Variants in SIK3 observed in about 807,000 individuals in gnomAD.
The protein encoded by SIK3 is SIK family kinase 3.
In SIK3, 28 loss-of-function variants were observed where a neutral mutation model predicts 144.2. That is an observed-to-expected ratio of 0.19 (90% confidence interval 0.14 to 0.27). The LOEUF (loss-of-function observed/expected upper bound fraction) is 0.27. SIK3 is among the 10% of genes least tolerant of loss of function. The pLI is 1.00. For missense variants in SIK3, 1,319 were observed against 1,776.0 expected, an observed-to-expected ratio of 0.74 and a Z score of 4.62; for synonymous variants, 686 against 676.3, an observed-to-expected ratio of 1.01 and a Z score of -0.22.
intron 1 of SIK3, among the ~76,000 whole-genome samples, chr11:116,961,746 T>C (rs1949355457): frequency 6.6e-6 from 1 of 152,178 alleles, no homozygotes; most frequent in African/African-American, 2.4e-5. Context: ...ATTTTGTAAA[T>C]TGACATTCTA....
intron 3 of SIK3, among the ~76,000 whole-genome samples, chr11:116,931,358 G>A (rs1340371296): frequency 2.0e-5 from 3 of 152,216 alleles, no homozygotes; most frequent in Non-Finnish European, 4.4e-5. Context: ...AAAATACACA[G>A]AAGCCAGTCT....
At position 116,843,713 on chromosome 11, in the gene SIK3, A is replaced by G; in HGVS notation, c.*1930T>C. The G allele has an allele frequency of 6.6e-6, 1 of 152,354 alleles. No individual in the cohort carries two copies. 9.4% of individuals were successfully genotyped at this position (152,354 alleles called of 1,614,324 possible). The stretch of plus-strand genomic sequence containing the variant: ...GCTGAGCGCGTGGTGGTGGTAGGGC[A>G]GGTTGGGGGCATAAGAGTTGGAACA... On this transcript the variant is annotated 3_prime_UTR_variant, in exon 25 of 25. Transcript: ENST00000445177.
intron 21 of SIK3, among the ~76,000 whole-genome samples, chr11:116,854,403 C>T (rs745972539): frequency 2.5e-4 from 38 of 152,164 alleles, no homozygotes; most frequent in Non-Finnish European, 4.3e-4. Context: ...GTTCATCTAC[C>T]CTTAAGAAAT....
chr11:116,878,326 C>T (rs1944365886), intron 6 of SIK3, among the ~76,000 whole-genome samples: 6 of 152,094 alleles, frequency 3.9e-5, no homozygotes. Flanking sequence ...TTCCCATAAC[C>T]CTCAGAATGA....
At chr11:117,002,327 T>TA (rs1028033778) in intron 1 of SIK3, among the ~76,000 whole-genome samples, 1 of 152,160 alleles carries the variant, frequency 6.6e-6, no homozygotes, top group African/African-American at 2.4e-5. Flanking sequence ...CAGCTATTGT[T>TA]AGTGTTAGTG....
intron 1 of SIK3, among the ~76,000 whole-genome samples, chr11:117,077,260 A>G (rs1954593510): frequency 6.6e-6 from 1 of 152,258 alleles, no homozygotes; most frequent in Non-Finnish European, 1.5e-5. Flanking sequence ...TATGGCAAGC[A>G]GGTTATTTTT....
At chr11:117,042,799 CA>C (rs1952804371) in intron 1 of SIK3, among the ~76,000 whole-genome samples, 1 of 152,204 alleles carries the variant, frequency 6.6e-6, no homozygotes, top group Admixed American at 6.5e-5. Context: ...TGTTAAGACT[CA>C]TTCAATGATG....
At chr11:116,989,748 T>G (rs1005485215) in intron 1 of SIK3, among the ~76,000 whole-genome samples, 1 of 152,104 alleles carries the variant, frequency 6.6e-6, no homozygotes, top group Admixed American at 6.5e-5. Context: ...ACTTCCAAAT[T>G]AAAAATATCA....
intron 1 of SIK3, among the ~76,000 whole-genome samples, chr11:116,968,429 A>G (rs1949641823): frequency 6.6e-6 from 1 of 152,360 alleles, no homozygotes; most frequent in Middle Eastern, 3.4e-3. Context: ...GGTGTGAGCC[A>G]CCGTGCCTGG....
In SIK3 at chr11:116,861,266, C is replaced by T. The variant is rs1413763114; in HGVS notation, c.2425+8G>A. On this transcript the variant is annotated splice_region_variant and intron_variant, in intron 19 of 24. Transcript: ENST00000445177. Reference sequence around the variant, plus strand: ...AATGAACTGTTTGGTCTGAACCTCTCCACTCACCGTGAGGCTGGATCATGG... The same window carrying T: ...AATGAACTGTTTGGTCTGAACCTCTTCACTCACCGTGAGGCTGGATCATGG... 6.3e-7 allele frequency: 1 copy of T among 1,576,578 alleles called. No individual in the cohort carries two copies. Among genetic ancestry groups the T allele is most frequent in the Admixed American group, 1.9e-5 (1 of 53,822 alleles).
chr11:116,918,415 CA>C (rs1946785676), intron 4 of SIK3, among the ~76,000 whole-genome samples: 2 of 151,960 alleles, frequency 1.3e-5, no homozygotes, highest in Admixed American at 1.3e-4. Flanking sequence ...GACCTCAAAG[CA>C]AAAGCTTCCA....
chr11:116,939,870 A>G (rs1349272711), intron 3 of SIK3, among the ~76,000 whole-genome samples: 4 of 152,350 alleles, frequency 2.6e-5, no homozygotes, highest in Admixed American at 6.5e-5. Context: ...GTCACAGATT[A>G]TTTAAAAATT....
At chr11:116,944,965 C>CT (rs201545149) in intron 3 of SIK3, among the ~76,000 whole-genome samples, 4,642 of 145,700 alleles carry the variant, frequency 0.032, 207 homozygotes, top group African/African-American at 0.11. Flanking sequence ...TTTCTTTTTT[C>CT]TTTTTTTTTT....
At chr11:116,896,500 C>T (rs2134763307) in intron 5 of SIK3, 124 bp from the exon 6 acceptor site, 1 of 996,476 alleles carries the variant, frequency 1.0e-6, no homozygotes, top group South Asian at 1.8e-5. Context: ...CTTTTTCTTC[C>T]ATCTTAGAAC....
intron 1 of SIK3, among the ~76,000 whole-genome samples, chr11:117,071,841 G>A (rs1954295108): frequency 7.0e-6 from 1 of 143,266 alleles, no homozygotes; most frequent in Admixed American, 7.2e-5. Flanking sequence ...TGACCAGGCT[G>A]GTCTAGAACT....
Position 116,859,601 on chromosome 11 carries a change from G to T in SIK3, c.2429C>A (p.Ala810Asp). Residue 810 changes from alanine to aspartate, a missense_variant, in exon 20 of 25, where the codon GCT (alanine) becomes GAT (aspartate). Coordinates refer to ENST00000445177, the MANE Select transcript of SIK3 (RefSeq NM_001366686.3). ...GCCTTGAAACTGGGAAGAAGATGCA[G>T]CCCCTGGAGAGAAAGGAACCTCAGA... Reference protein sequence around the residue: ...MSSAMIQPHGAASSSQFQGLP... With the variant: ...MSSAMIQPHGDASSSQFQGLP... 3 of 1,613,014 alleles carry T rather than the reference G, an allele frequency of 1.9e-6. No individual in the cohort carries two copies. The highest frequency in any genetic ancestry group is 2.5e-6 in the Non-Finnish European group (3 of 1,179,282).
chr11:116,910,252 A>C (rs1453289791), intron 4 of SIK3, among the ~76,000 whole-genome samples: 1 of 152,158 alleles, frequency 6.6e-6, no homozygotes, highest in Non-Finnish European at 1.5e-5. Context: ...ACACTAAAAA[A>C]AATTAGGTTT....
intron 1 of SIK3, among the ~76,000 whole-genome samples, chr11:117,003,885 C>T (rs917564858): frequency 6.6e-6 from 1 of 152,132 alleles, no homozygotes; most frequent in Non-Finnish European, 1.5e-5. Flanking sequence ...CATTGCTGAA[C>T]ATTATACTTT....
At chr11:116,887,169 C>G (rs1315011939) in intron 6 of SIK3, among the ~76,000 whole-genome samples, 1 of 147,258 alleles carries the variant, frequency 6.8e-6, no homozygotes, top group Non-Finnish European at 1.5e-5. Flanking sequence ...TTTTGGGAGG[C>G]AGAGCCAGGC....
Sources: allele counts gnomAD v4.1 joint callset (sites outside exome capture counted in the v4.1 genomes callset), GRCh38; gene constraint gnomAD v4.1.1; transcripts MANE v1.5; gene names NCBI Gene and HGNC (gene_info 2026-07-23, HGNC 2026-07-21).